Variants in MGAM observed in about 807,000 individuals in gnomAD.
MGAM encodes maltase-glucoamylase.
Under a neutral mutation model 358.8 loss-of-function variants are expected in MGAM, and 253 were observed. The observed-to-expected ratio is 0.71, with a 90% CI of 0.64 to 0.78. The LOEUF (loss-of-function observed/expected upper bound fraction) is 0.78, where lower values mean the gene tolerates loss of function less well. Ranked by LOEUF, MGAM falls within the 30% of genes least tolerant of loss-of-function variation. The probability of loss-of-function intolerance (pLI) is 0.00; values close to 1 mark genes in which losing one functional copy is unlikely to be tolerated. For missense variants in MGAM, 3,080 were observed against 3,432.6 expected (o/e 0.90, Z 2.57); for synonymous variants, 1,105 against 1,227.1 (o/e 0.90, Z 2.08).
At chr7:142,030,007 G>A (rs1307366629) in intron 10 of MGAM, among the ~76,000 whole-genome samples, 1 of 152,200 alleles carries the variant, frequency 6.6e-6, no homozygotes, top group Non-Finnish European at 1.5e-5. Flanking sequence ...TCTTTATCTT[G>A]TGAATAGGGT....
Position 142,021,687 on chromosome 7 carries a change from C to T in MGAM, c.660C>T (p.Ser220=). 1 of 1,613,950 alleles carries T rather than the reference C, an allele frequency of 6.2e-7. No homozygotes were observed. Among genetic ancestry groups the T allele is most frequent in the Non-Finnish European group, 8.5e-7 (1 of 1,179,836 alleles). Reference sequence around the variant, plus strand: ...CTTTGACCTACCAAGTTGAAATCTCCAGACAGCCATTTAGCATCAAAGTGA... The same window carrying T: ...CTTTGACCTACCAAGTTGAAATCTCTAGACAGCCATTTAGCATCAAAGTGA... ...AASLTYQVEI[S]RQPFSIKVTR... is the part of the protein sequence containing the mutation. Residue 220 remains serine (S), a synonymous_variant, in exon 6 of 71, where the codon TCC becomes TCT. Transcript: ENST00000475668.
rs576891238 is a variant in MGAM at position 142,060,392 on chromosome 7, A to T, written c.4122+19A>T. The T allele has an allele frequency of 1.2e-6, 2 of 1,613,268 alleles. No individual in the cohort carries two copies. The highest frequency in any genetic ancestry group is 2.7e-5 in the African/African-American group (2 of 75,062). ...AGTGGAGGTAAAAGGGTGTTTGTAAATTTGGGTGGAGTCAGGGTTTGTAGG... is the reference window on the plus strand; with the variant it reads ...AGTGGAGGTAAAAGGGTGTTTGTAATTTTGGGTGGAGTCAGGGTTTGTAGG... On this transcript the variant is annotated intron_variant, in intron 34 of 70. Transcript: ENST00000475668.
intron 31 of MGAM, 59 bp from the exon 32 acceptor site, chr7:142,059,413 T>G: frequency 6.4e-7 from 1 of 1,573,498 alleles, no homozygotes; most frequent in Non-Finnish European, 8.7e-7. Flanking sequence ...AGGGTTGTTC[T>G]CCTATAAAGC....
chr7:142,095,904 T>C, intron 64 of MGAM, 191 bp downstream of exon 64: 1 of 913,956 alleles, frequency 1.1e-6, no homozygotes, highest in Non-Finnish European at 1.6e-6. Context: ...GGTTATTGAT[T>C]GAATGAGCAA....
rs144073609 is a variant in MGAM, at chr7:142,008,116, T to C, written c.128-390T>C. Among the ~76,000 whole-genome samples the C allele has an allele frequency of 6.6e-5, 10 of 152,316 alleles. No homozygotes were observed. The East Asian group carries it at 1.4e-3, about 21-fold the overall frequency. On this transcript the variant is annotated intron_variant, in intron 2 of 70. Transcript: ENST00000475668. ...AGTTTGTAATGTGTATAATATGTAA[T>C]GTGCATGTGTGTAATGTTCCAGTAA...
At chr7:141,988,617 G>A (rs1426047088) in intron 2 of MGAM, among the ~76,000 whole-genome samples, 2 of 151,970 alleles carry the variant, frequency 1.3e-5, no homozygotes, top group African/African-American at 4.8e-5. Context: ...CACCTGCTTC[G>A]GCCTCCCAAA....
chr7:142,093,198 C>T (rs1172588729), intron 59 of MGAM, among the ~76,000 whole-genome samples: 2 of 146,606 alleles, frequency 1.4e-5, no homozygotes, highest in African/African-American at 4.9e-5. Flanking sequence ...CTTCCTGACA[C>T]CTCTGCTTTC....
intron 57 of MGAM, among the ~76,000 whole-genome samples, chr7:142,089,880 C>A (rs1418829637): frequency 6.8e-6 from 1 of 146,328 alleles, no homozygotes; most frequent in Non-Finnish European, 1.5e-5. Context: ...TTAATAAAGA[C>A]CCACTCGATG....
In MGAM at chr7:142,034,101, C is replaced by T. The variant is rs537667131; in HGVS notation, c.1670-161C>T. Among the ~76,000 whole-genome samples the T allele has an allele frequency of 3.3e-5, 5 of 152,300 alleles. No homozygotes were observed. The South Asian group carries it at 1.0e-3, about 32-fold the overall frequency. On this transcript the variant is annotated intron_variant, in intron 14 of 70. Transcript: ENST00000475668. ...ATTCATTTATATATCAGAGAAACTA[C>T]TCCAAGTGGATAGCATTCTAATAGT...
At chr7:142,019,685 A>G (rs1806259414) in intron 4 of MGAM, among the ~76,000 whole-genome samples, 2 of 152,236 alleles carry the variant, frequency 1.3e-5, no homozygotes, top group Admixed American at 6.5e-5. Flanking sequence ...AAATGGAAGT[A>G]ATTCCAATTT....
At position 142,106,708 on chromosome 7, in the gene MGAM, A is replaced by G. The variant is rs903034986; in HGVS notation, c.*817A>G. 2 of 152,368 alleles carry G rather than the reference A, an allele frequency of 1.3e-5. No homozygotes were observed. The highest frequency in any genetic ancestry group is 2.9e-5 in the Non-Finnish European group (2 of 68,038). 9.4% of individuals were successfully genotyped at this position (152,368 alleles called of 1,614,324 possible). A position where few individuals can be genotyped will look rare whatever the true frequency, so the allele number is the denominator to read the frequency against. On this transcript the variant is annotated 3_prime_UTR_variant, in exon 71 of 71. Coordinates refer to ENST00000475668, the MANE Select transcript of MGAM (RefSeq NM_001365693.1). Reference sequence around the variant, plus strand: ...CATTTCACATAAAAATATGCAATTTATATGCCAGATAAAAATAAAACAAGT... The same window carrying G: ...CATTTCACATAAAAATATGCAATTTGTATGCCAGATAAAAATAAAACAAGT...
In MGAM at chr7:142,080,843, C is replaced by G. The variant is rs751388528; in HGVS notation, c.5900C>G (p.Pro1967Arg). 27 of 1,556,092 alleles carry G rather than the reference C, an allele frequency of 1.7e-5. 4 individuals carry two copies. The highest frequency in any genetic ancestry group is 1.8e-5 in the Non-Finnish European group (20 of 1,132,290). Residue 1967 changes from proline (P) to arginine (R), a missense_variant, in exon 50 of 71, where the codon CCC (proline) becomes CGC (arginine). By Grantham distance (103) the Pro-to-Arg change is moderately radical. This residue lies in a region of MGAM where 932 missense variants were observed against 1,198.2 expected (regional missense o/e 0.78). Transcript: ENST00000475668. Reference sequence around the variant, plus strand: ...GAAGTTCCAGTCCCTCTGAACATACCCAGCGTGCCATCCAGCACCCCTGAG... The same window carrying G: ...GAAGTTCCAGTCCCTCTGAACATACGCAGCGTGCCATCCAGCACCCCTGAG... The part of the protein sequence containing the change: ...RYEVPVPLNI[P>R]SVPSSTPEGQ...
chr7:142,015,008 C>A (rs113285341), intron 3 of MGAM, among the ~76,000 whole-genome samples: 12 of 152,166 alleles, frequency 7.9e-5, no homozygotes, highest in African/African-American at 2.9e-4. Flanking sequence ...TCAAATTGAT[C>A]TCCAAAGTGG....
chr7:142,022,277 G>T lies in MGAM; in HGVS notation c.720G>T (p.Ser240=). The change falls in exon 7 of 71, where the codon TCG becomes TCT. Residue 240 remains serine (S), a synonymous_variant. Coordinates refer to ENST00000475668, the MANE Select transcript of MGAM (RefSeq NM_001365693.1). ...CTCCACCTGTGTCTAGGTTTGACTC[G>T]AGCATTGGGCCCCTACTGTTTGCTG... ...RRSNNRVLFD[S]SIGPLLFADQ... The T allele has an allele frequency of 1.2e-6, 2 of 1,607,204 alleles. No individual in the cohort carries two copies. The highest frequency in any genetic ancestry group is 1.7e-6 in the Non-Finnish European group (2 of 1,176,010).
intron 3 of MGAM, among the ~76,000 whole-genome samples, chr7:142,017,942 G>A (rs955413803): frequency 7.2e-5 from 11 of 152,184 alleles, no homozygotes; most frequent in Non-Finnish European, 1.3e-4. Flanking sequence ...CTTCTCAATA[G>A]CTGAGTAACC....
At chr7:142,091,800 G>A in intron 57 of MGAM, 113 bp from the exon 58 acceptor site, 1 of 1,148,116 alleles carries the variant, frequency 8.7e-7, no homozygotes, top group Non-Finnish European at 1.2e-6. Flanking sequence ...CCCTGTTCAG[G>A]CCGTCTGTCA....
In MGAM at chr7:142,086,051, G is replaced by T. The variant is rs1181525616; in HGVS notation, c.6636+90G>T. 4.0e-6 allele frequency: 6 copies of T among 1,502,436 alleles called. 1 individual carries two copies. The Admixed American group carries it at 5.5e-5, about 14-fold the overall frequency. The allele number at this position is 1,502,436 out of a possible 1,614,324, so 93.1% of individuals were successfully genotyped here. A position where few individuals can be genotyped will look rare whatever the true frequency, so the allele number is the denominator to read the frequency against. On this transcript the variant is annotated intron_variant, in intron 55 of 70. Coordinates refer to ENST00000475668, the MANE Select transcript of MGAM (RefSeq NM_001365693.1). ...GTTATACTTTATTTCCATGTTGCAAGTAGATAAATTGAAGTGTAGTAAGAA... is the reference window on the plus strand; with the variant it reads ...GTTATACTTTATTTCCATGTTGCAATTAGATAAATTGAAGTGTAGTAAGAA...
chr7:141,995,671 G>A (rs17523275), upstream of MGAM, among the ~76,000 whole-genome samples: 5,508 of 152,196 alleles, frequency 0.036, 141 homozygotes, highest in East Asian at 0.13. Flanking sequence ...GGATGGAGTG[G>A]GTCATGGGAG....
chr7:142,003,245 G>T lies in MGAM; in HGVS notation c.-2-2284G>T, dbSNP rs1804873697. ...CTAAAATTCATATGGAACCCTGAAA[G>T]AGTGTAAGTAGCCCAAGTAATCCAA... On this transcript the variant is annotated intron_variant, in intron 1 of 70. Coordinates refer to ENST00000475668, the MANE Select transcript of MGAM (RefSeq NM_001365693.1). 5.9e-5 allele frequency among the ~76,000 whole-genome samples: 9 copies of T among 152,180 alleles called. No individual in the cohort carries two copies. The South Asian group carries it at 1.9e-3, about 32-fold the overall frequency.
Sources: gnomAD v4.1 joint callset for allele counts (sites outside exome capture counted in the v4.1 genomes callset) on GRCh38, gnomAD v4.1.1 for gene constraint, gnomAD v4.1.1 regional missense constraint, MANE v1.5 for transcripts, NCBI Gene and HGNC (gene_info 2026-07-23, HGNC 2026-07-21) for gene names.